Variants in XPR1 observed in about 807,000 individuals in gnomAD.
XPR1 encodes solute carrier family 53 member 1.
A neutral mutation model predicts 87.5 loss-of-function variants in XPR1; 28 were observed. That is an observed-to-expected ratio of 0.32 (90% CI 0.24 to 0.44). The LOEUF (loss-of-function observed/expected upper bound fraction) is 0.44, where lower values mean the gene tolerates loss of function less well. Ranked by LOEUF, XPR1 falls within the 20% of genes least tolerant of loss-of-function variation. The probability of loss-of-function intolerance (pLI) is 1.00; values close to 1 mark genes in which losing one functional copy is unlikely to be tolerated. For missense variants in XPR1, 559 were observed against 862.3 expected (o/e 0.65, Z 4.41); for synonymous variants, 300 against 306.1 (o/e 0.98, Z 0.21).
At chr1:180,826,514 C>T (rs898995542) in intron 9 of XPR1, among the ~76,000 whole-genome samples, 2 of 151,624 alleles carry the variant, frequency 1.3e-5, no homozygotes, top group African/African-American at 4.8e-5. Flanking sequence ...TGCCGCTACA[C>T]TCCCAGCCTG....
chr1:180,856,261 CTG>C (rs1346760210), intron 11 of XPR1, among the ~76,000 whole-genome samples: 1 of 151,926 alleles, frequency 6.6e-6, no homozygotes, highest in Non-Finnish European at 1.5e-5. Flanking sequence ...AAGAGAAGCT[CTG>C]TAACATTTCA....
intron 1 of XPR1, among the ~76,000 whole-genome samples, chr1:180,651,969 A>G (rs761711108): frequency 2.0e-5 from 3 of 152,194 alleles, no homozygotes; most frequent in Non-Finnish European, 4.4e-5. Context: ...ACATGTTTTG[A>G]ACTGTACTGG....
chr1:180,684,949 C>T (rs1375450458), intron 2 of XPR1, among the ~76,000 whole-genome samples: 2 of 152,116 alleles, frequency 1.3e-5, no homozygotes, highest in Non-Finnish European at 2.9e-5. Flanking sequence ...AATTTGACTT[C>T]CTCTTTTCCT....
chr1:180,733,656 T>C (rs1467004637), intron 2 of XPR1, among the ~76,000 whole-genome samples: 1 of 152,146 alleles, frequency 6.6e-6, no homozygotes, highest in Non-Finnish European at 1.5e-5. Context: ...GGAACCTATT[T>C]TGAGGTAGAG....
Position 180,885,182 on chromosome 1 carries a change from C to T in XPR1, c.*1116C>T, listed in dbSNP as rs1652974959. ...CACTAGATAGTTTTTCTTCTGGGTT[C>T]AACCACTTTAGCCAGAATTTGATCA... On this transcript the variant is annotated 3_prime_UTR_variant, in exon 15 of 15. Coordinates refer to ENST00000367590, the MANE Select transcript of XPR1 (RefSeq NM_004736.4). The T allele has an allele frequency of 6.6e-6, 1 of 152,534 alleles. No homozygotes were observed. The highest frequency in any genetic ancestry group is 1.9e-4 in the East Asian group (1 of 5,194). The allele number at this position is 152,534 out of a possible 1,614,324, so 9.4% of individuals were successfully genotyped here. A position where few individuals can be genotyped will look rare whatever the true frequency, so the allele number is the denominator to read the frequency against.
intron 1 of XPR1, among the ~76,000 whole-genome samples, chr1:180,643,061 AG>A (rs926086747): frequency 3.3e-5 from 5 of 152,142 alleles, no homozygotes; most frequent in African/African-American, 1.2e-4. Flanking sequence ...GAAAGACTGA[AG>A]GGTGTGTAAT....
At chr1:180,684,834 A>G (rs1168353417) in intron 2 of XPR1, among the ~76,000 whole-genome samples, 1 of 152,136 alleles carries the variant, frequency 6.6e-6, no homozygotes, top group African/African-American at 2.4e-5. Context: ...TTGTACATTG[A>G]TTCTGTATCC....
At chr1:180,861,683 A>T (rs1004992630) in intron 11 of XPR1, among the ~76,000 whole-genome samples, 6 of 152,116 alleles carry the variant, frequency 3.9e-5, no homozygotes, top group African/African-American at 1.2e-4. Context: ...GGACCATTTA[A>T]AGAAATACCA....
chr1:180,637,086 A>G (rs374570581), intron 1 of XPR1, among the ~76,000 whole-genome samples: 1 of 150,946 alleles, frequency 6.6e-6, no homozygotes, highest in East Asian at 1.9e-4. Context: ...AAGTAAGGGA[A>G]GACAGAACTG....
chr1:180,715,508 T>C (rs1208364085), intron 2 of XPR1, among the ~76,000 whole-genome samples: 1 of 152,188 alleles, frequency 6.6e-6, no homozygotes, highest in Non-Finnish European at 1.5e-5. Context: ...GTGTTGAAGA[T>C]TGGATTTTCA....
intron 2 of XPR1, among the ~76,000 whole-genome samples, chr1:180,750,300 C>T (rs75219682): frequency 0.067 from 10,116 of 151,994 alleles, 495 homozygotes; most frequent in Admixed American, 0.13. Context: ...TGATTTTTTT[C>T]CAGCTCCCAA....
chr1:180,719,180 A>C (rs995640730), intron 2 of XPR1, among the ~76,000 whole-genome samples: 2 of 152,258 alleles, frequency 1.3e-5, no homozygotes, highest in African/African-American at 4.8e-5. Context: ...GTACAGACAT[A>C]GATTTATTGA....
chr1:180,821,692 T>G (rs1173305013), intron 7 of XPR1, among the ~76,000 whole-genome samples: 3 of 152,258 alleles, frequency 2.0e-5, no homozygotes, highest in Non-Finnish European at 2.9e-5. Flanking sequence ...AGGATTCTTT[T>G]CTACTTTAAT....
chr1:180,642,923 G>C (rs559291443), intron 1 of XPR1, among the ~76,000 whole-genome samples: 1 of 152,228 alleles, frequency 6.6e-6, no homozygotes, highest in East Asian at 1.9e-4. Context: ...GGAAATCTAG[G>C]AGTTAGAGTA....
intron 3 of XPR1, among the ~76,000 whole-genome samples, chr1:180,793,260 T>C (rs1649452658): frequency 6.6e-6 from 1 of 152,166 alleles, no homozygotes; most frequent in South Asian, 2.1e-4. Flanking sequence ...ATTCCTGTTA[T>C]TCCTGTAATC....
chr1:180,736,656 T>G (rs980821692), intron 2 of XPR1, among the ~76,000 whole-genome samples: 1 of 152,192 alleles, frequency 6.6e-6, no homozygotes, highest in Non-Finnish European at 1.5e-5. Flanking sequence ...CATTTAATAA[T>G]GTGTTAAGTG....
At chr1:180,757,042 C>G (rs186523937) in intron 2 of XPR1, among the ~76,000 whole-genome samples, 190 of 152,268 alleles carry the variant, frequency 1.2e-3, no homozygotes, top group African/African-American at 4.4e-3. Context: ...ACTATGCTAT[C>G]ATGATATTAT....
chr1:180,798,634 C>T (rs1000718482), intron 3 of XPR1, among the ~76,000 whole-genome samples: 1 of 152,002 alleles, frequency 6.6e-6, no homozygotes, highest in Non-Finnish European at 1.5e-5. Flanking sequence ...GTTTTTGAGA[C>T]ACAGTCTCAC....
chr1:180,856,763 T>C (rs1030040163), intron 11 of XPR1, among the ~76,000 whole-genome samples: 1 of 152,242 alleles, frequency 6.6e-6, no homozygotes, highest in Admixed American at 6.5e-5. Context: ...TCCTTAAACT[T>C]ATACTCAATT....
Sources: allele counts gnomAD v4.1 joint callset (sites outside exome capture counted in the v4.1 genomes callset), GRCh38; gene constraint gnomAD v4.1.1; transcripts MANE v1.5; gene names NCBI Gene and HGNC (gene_info 2026-07-23, HGNC 2026-07-21).